CFHR5: variants seen among roughly 807,000 people sequenced by gnomAD.
The protein encoded by CFHR5 is complement factor H-related protein 5.
CFHR5 carries 73 observed loss-of-function variants against 62.9 expected under a neutral mutation model. That is an observed-to-expected ratio of 1.16 (90% CI 0.96 to 1.41). The LOEUF is 1.41. CFHR5 is among the 40% of genes most tolerant of loss of function. The pLI, the probability that CFHR5 is intolerant of heterozygous loss-of-function variation, is 0.00. For synonymous variants in CFHR5, 249 were observed against 227.2 expected, an observed-to-expected ratio of 1.10 and a Z score of -0.86; for missense variants, 779 against 679.9, an observed-to-expected ratio of 1.15 and a Z score of -1.62.
intron 3 of CFHR5, among the ~76,000 whole-genome samples, chr1:196,989,982 C>A (rs1313329452): frequency 6.6e-6 from 1 of 151,982 alleles, no homozygotes. Context: ...TTAAAGTCTC[C>A]CATTATTATT....
At chr1:197,005,636 A>G (rs950956518) in intron 9 of CFHR5, among the ~76,000 whole-genome samples, 1 of 152,152 alleles carries the variant, frequency 6.6e-6, no homozygotes, top group Non-Finnish European at 1.5e-5. Flanking sequence ...CTCTATAATA[A>G]GTGGAAGAAA....
Position 196,994,209 on chromosome 1 carries a change from T to C in CFHR5, c.560T>C (p.Val187Ala). 1 of 1,613,726 alleles carries C rather than the reference T, an allele frequency of 6.2e-7. No homozygotes were observed. ...CTTATAAGAGTTGGATCAGACTCAG[T>C]TCAATGTTACCAATTTGGGTGGTCA... is the stretch of plus-strand genomic sequence containing the variant. Reference protein sequence around the residue: ...KNLIRVGSDSVQCYQFGWSPN... With the variant: ...KNLIRVGSDSAQCYQFGWSPN... Residue 187 changes from valine (V) to alanine (A), a missense_variant, in exon 4 of 10, where the codon GTT becomes GCT. By Grantham distance (64) the Val-to-Ala change is moderately conservative. Coordinates refer to ENST00000256785, the MANE Select transcript of CFHR5 (RefSeq NM_030787.4).
chr1:196,981,637 T>C (rs1653544045), intron 1 of CFHR5, among the ~76,000 whole-genome samples: 1 of 152,020 alleles, frequency 6.6e-6, no homozygotes, highest in Non-Finnish European at 1.5e-5. Flanking sequence ...ATATATCCAG[T>C]AGTATCCTCA....
At chr1:197,004,118 A>G (rs1654224594) in intron 8 of CFHR5, among the ~76,000 whole-genome samples, 1 of 152,176 alleles carries the variant, frequency 6.6e-6, no homozygotes, top group African/African-American at 2.4e-5. Context: ...CAATCTTAGC[A>G]TGAAGTTGTT....
At chr1:196,987,676 T>C (rs867007677) in intron 3 of CFHR5, among the ~76,000 whole-genome samples, 11 of 152,278 alleles carry the variant, frequency 7.2e-5, no homozygotes, top group African/African-American at 2.6e-4. Context: ...TGGTTGTAGA[T>C]GTGTGGTGTT....
upstream of CFHR5, among the ~76,000 whole-genome samples, chr1:196,975,504 G>T (rs978778954): frequency 5.9e-5 from 9 of 152,134 alleles, no homozygotes; most frequent in Admixed American, 5.9e-4. Context: ...GATCAAATCT[G>T]GTAGAGACCA....
chr1:196,975,902 G>A (rs181820206), upstream of CFHR5, among the ~76,000 whole-genome samples: 19 of 152,258 alleles, frequency 1.2e-4, no homozygotes, highest in East Asian at 3.7e-3. Flanking sequence ...GCAGGAGAGT[G>A]TGTGCAAGGG....
rs1322852348 is a variant in CFHR5 at position 196,983,961 on chromosome 1, G to GA, written c.256dup (p.Met86AsnfsTer13). On this transcript the variant is annotated frameshift_variant and splice_region_variant, in exon 3 of 10. Coordinates refer to ENST00000256785, the MANE Select transcript of CFHR5 (RefSeq NM_030787.4). LOFTEE classifies it high-confidence loss of function. Reference sequence around the variant, plus strand: ...ACATTAATCAATTTTTGTTCCTTAGGAATGTGTTCCTTTCCTTTTGTGAAA... The same window carrying GA: ...ACATTAATCAATTTTTGTTCCTTAGGAAATGTGTTCCTTTCCTTTTGTGAAA... 2 of 1,607,026 alleles carry GA rather than the reference G, an allele frequency of 1.2e-6. No individual in the cohort carries two copies. The highest frequency in any genetic ancestry group is 4.5e-5 in the East Asian group (2 of 44,740).
In CFHR5 at chr1:196,995,624, G is replaced by A. The variant is rs1041273459; in HGVS notation, c.608-93G>A. 1.4e-5 allele frequency: 15 copies of A among 1,053,074 alleles called. No individual in the cohort carries two copies. The African/African-American group carries it at 2.4e-4, about 17-fold the overall frequency. 65.2% of individuals were successfully genotyped at this position (1,053,074 alleles called of 1,614,324 possible). A position where few individuals can be genotyped will look rare whatever the true frequency, so the allele number is the denominator to read the frequency against. Reference sequence around the variant, plus strand: ...CCCAAAAATAGAAGTGCAATATAAAGGCAATTAATTTCTAAGTCAAAAATT... The same window carrying A: ...CCCAAAAATAGAAGTGCAATATAAAAGCAATTAATTTCTAAGTCAAAAATT... On this transcript the variant is annotated intron_variant, in intron 4 of 9. Coordinates refer to ENST00000256785, the MANE Select transcript of CFHR5 (RefSeq NM_030787.4).
intron 4 of CFHR5, among the ~76,000 whole-genome samples, chr1:196,995,115 G>A (rs887389196): frequency 6.6e-6 from 1 of 152,028 alleles, no homozygotes; most frequent in Non-Finnish European, 1.5e-5. Flanking sequence ...CATTGCATAT[G>A]TATATTATAT....
chr1:196,999,887 A>C (rs1654102562), intron 7 of CFHR5, among the ~76,000 whole-genome samples: 1 of 150,182 alleles, frequency 6.7e-6, no homozygotes, highest in African/African-American at 2.4e-5. Context: ...TTCAGATATT[A>C]GGAGGAAAAG....
At chr1:197,007,286 G>A (rs996771178) in intron 9 of CFHR5, among the ~76,000 whole-genome samples, 4 of 151,800 alleles carry the variant, frequency 2.6e-5, no homozygotes, top group Admixed American at 6.6e-5. Flanking sequence ...AATGAAAGAG[G>A]GGTTAAAGAT....
chr1:196,989,370 T>G (rs1448518029), intron 3 of CFHR5, among the ~76,000 whole-genome samples: 1 of 152,166 alleles, frequency 6.6e-6, no homozygotes, highest in East Asian at 1.9e-4. Flanking sequence ...TCTATCTCCT[T>G]CAGTTCTGTT....
intron 3 of CFHR5, among the ~76,000 whole-genome samples, chr1:196,990,405 C>T (rs757852458): frequency 2.6e-5 from 4 of 152,034 alleles, no homozygotes; most frequent in Non-Finnish European, 5.9e-5. Flanking sequence ...GAATTTGATC[C>T]TGTTATTGTG....
chr1:196,987,213 G>GTTGT (rs568908291), intron 3 of CFHR5, among the ~76,000 whole-genome samples: 2,044 of 151,046 alleles, frequency 0.014, 38 homozygotes, highest in African/African-American at 0.045. Context: ...TTTTGATGGG[G>GTTGT]TTTTTTCTTG....
chr1:196,985,021 T>C (rs1653644273), intron 3 of CFHR5, among the ~76,000 whole-genome samples: 1 of 152,182 alleles, frequency 6.6e-6, no homozygotes, highest in African/African-American at 2.4e-5. Context: ...GTCATCACAG[T>C]TCTGTACTGG....
At chr1:197,007,115 G>A (rs543731700) in intron 9 of CFHR5, among the ~76,000 whole-genome samples, 47 of 151,878 alleles carry the variant, frequency 3.1e-4, no homozygotes, top group African/African-American at 8.5e-4. Context: ...GATTACAGGC[G>A]TGAGCCACCA....
chr1:196,988,904 T>G (rs1018130667), intron 3 of CFHR5, among the ~76,000 whole-genome samples: 2 of 152,168 alleles, frequency 1.3e-5, no homozygotes, highest in Non-Finnish European at 2.9e-5. Flanking sequence ...TAGGGAGTAT[T>G]CACTCTTTTT....
chr1:196,977,729 T>G lies in CFHR5; in HGVS notation c.58+7T>G, dbSNP rs1427586547. On this transcript the variant is annotated splice_region_variant and intron_variant, in intron 1 of 9. Transcript: ENST00000256785. ...TCCACTGTTGGGGGAGAAGGTAAGT[T>G]GAAAACAGATCCGAATATTTTAGTT... The G allele has an allele frequency of 1.2e-6, 2 of 1,604,984 alleles. No individual in the cohort carries two copies. Among genetic ancestry groups the G allele is most frequent in the Admixed American group, 1.7e-5 (1 of 60,006 alleles).
Sources: gnomAD v4.1 joint callset for allele counts (sites outside exome capture counted in the v4.1 genomes callset) on GRCh38, gnomAD v4.1.1 for gene constraint, MANE v1.5 for transcripts, NCBI Gene and HGNC (gene_info 2026-07-23, HGNC 2026-07-21) for gene names.